Variants in GRM7 observed in about 807,000 individuals in gnomAD.
GRM7 encodes glutamate metabotropic receptor 7.
Under a neutral mutation model 84.5 loss-of-function variants are expected in GRM7, and 35 were observed. The observed-to-expected ratio is 0.41, with a 90% CI of 0.32 to 0.55. GRM7 has a LOEUF of 0.55. Among genes scored for constraint, GRM7 ranks in the 20% least tolerant of loss-of-function variants. The pLI, the probability that GRM7 is intolerant of heterozygous loss-of-function variation, is 0.19. For synonymous variants in GRM7, 487 were observed against 455.1 expected, an observed-to-expected ratio of 1.07 and a Z score of -0.89; for missense variants, 1,003 against 1,194.6, an observed-to-expected ratio of 0.84 and a Z score of 2.36.
chr3:7,187,466 C>A (rs933934376), intron 2 of GRM7, among the ~76,000 whole-genome samples: 1 of 152,094 alleles, frequency 6.6e-6, no homozygotes, highest in East Asian at 1.9e-4. Flanking sequence ...TAGGGCTTAG[C>A]CTTTGAGGGT....
intron 7 of GRM7, among the ~76,000 whole-genome samples, chr3:7,509,787 A>T (rs944579302): frequency 1.3e-4 from 19 of 150,564 alleles, no homozygotes; most frequent in African/African-American, 3.6e-4. Context: ...AGCTGGGGAA[A>T]TTTTTTTTTT....
chr3:7,611,270 AATT>A (rs1246917222), intron 8 of GRM7, among the ~76,000 whole-genome samples: 1 of 152,170 alleles, frequency 6.6e-6, no homozygotes, highest in African/African-American at 2.4e-5. Context: ...GAGTGCTAAT[AATT>A]ATTATATGAA....
At chr3:7,372,643 A>C (rs1276162928) in intron 4 of GRM7, among the ~76,000 whole-genome samples, 3 of 152,166 alleles carry the variant, frequency 2.0e-5, no homozygotes, top group Non-Finnish European at 4.4e-5. Flanking sequence ...TAAAAGTAGC[A>C]GGTGTTTTAG....
At chr3:6,935,712 T>TTATTATTATTATTAC (rs547755528) in intron 1 of GRM7, among the ~76,000 whole-genome samples, 12 of 144,234 alleles carry the variant, frequency 8.3e-5, no homozygotes, top group Non-Finnish European at 1.7e-4. Flanking sequence ...ATTATTATTA[T>TTATTATTATTATTAC]TGAGACAGAG....
chr3:7,052,520 T>C (rs1365764262), intron 1 of GRM7, among the ~76,000 whole-genome samples: 2 of 151,534 alleles, frequency 1.3e-5, no homozygotes, highest in Non-Finnish European at 3.0e-5. Flanking sequence ...TCCAATTTTA[T>C]TTGTTTTGTA....
chr3:7,284,077 G>A (rs1206604166), intron 2 of GRM7, among the ~76,000 whole-genome samples: 1 of 152,148 alleles, frequency 6.6e-6, no homozygotes, highest in Non-Finnish European at 1.5e-5. Context: ...TGTCTCAATT[G>A]CAGCCTAATA....
chr3:6,889,115 C>G (rs568821292), intron 1 of GRM7, among the ~76,000 whole-genome samples: 176 of 152,288 alleles, frequency 1.2e-3, no homozygotes, highest in African/African-American at 4.0e-3. Context: ...TGCTTGTCAG[C>G]TTAAGGAGAT....
chr3:7,043,567 T>C (rs1039461900), intron 1 of GRM7, among the ~76,000 whole-genome samples: 3 of 152,174 alleles, frequency 2.0e-5, no homozygotes, highest in African/African-American at 7.2e-5. Flanking sequence ...CATTTGAAAG[T>C]GTAACTAGTA....
chr3:7,444,990 G>A (rs757706436), intron 5 of GRM7, among the ~76,000 whole-genome samples: 6 of 152,126 alleles, frequency 3.9e-5, no homozygotes, highest in East Asian at 1.9e-4. Context: ...TAAGCTGGAC[G>A]ATCAATGGGT....
intron 1 of GRM7, among the ~76,000 whole-genome samples, chr3:6,996,730 C>G (rs892178576): frequency 2.0e-5 from 3 of 152,136 alleles, no homozygotes; most frequent in African/African-American, 7.2e-5. Context: ...GTCTTTATTT[C>G]TTATCTCCCT....
At chr3:7,692,137 A>G (rs76787812) in intron 9 of GRM7, among the ~76,000 whole-genome samples, 5,172 of 152,264 alleles carry the variant, frequency 0.034, 224 homozygotes, top group African/African-American at 0.098. Context: ...CTTTTGATGC[A>G]TCATTAGTAG....
intron 7 of GRM7, among the ~76,000 whole-genome samples, chr3:7,566,749 TAA>T (rs200028283): frequency 1.3e-5 from 2 of 149,220 alleles, no homozygotes; most frequent in African/African-American, 4.9e-5. Flanking sequence ...TAGAGGTTGT[TAA>T]AAAAAAAAAT....
At chr3:7,124,555 G>A (rs1693335425) in intron 1 of GRM7, among the ~76,000 whole-genome samples, 1 of 152,054 alleles carries the variant, frequency 6.6e-6, no homozygotes, top group Non-Finnish European at 1.5e-5. Flanking sequence ...TTGGAACCTG[G>A]CAAACCCAGA....
At chr3:7,254,218 G>T (rs751670278) in intron 2 of GRM7, among the ~76,000 whole-genome samples, 3 of 152,170 alleles carry the variant, frequency 2.0e-5, no homozygotes, top group Admixed American at 1.3e-4. Context: ...CCCGTGCTTG[G>T]TTTAGGCTCT....
At chr3:7,089,260 T>A (rs1394269154) in intron 1 of GRM7, among the ~76,000 whole-genome samples, 3 of 152,148 alleles carry the variant, frequency 2.0e-5, no homozygotes, top group African/African-American at 7.2e-5. Flanking sequence ...ACATAAAATA[T>A]CAAGTCATAA....
At chr3:7,287,220 G>A (rs946646870) in intron 2 of GRM7, among the ~76,000 whole-genome samples, 2 of 152,128 alleles carry the variant, frequency 1.3e-5, no homozygotes, top group Non-Finnish European at 2.9e-5. Flanking sequence ...AAACTCTCAG[G>A]TGTGATCTAA....
intron 8 of GRM7, among the ~76,000 whole-genome samples, chr3:7,631,377 C>G (rs1411689010): frequency 1.3e-5 from 2 of 151,810 alleles, no homozygotes; most frequent in African/African-American, 2.4e-5. Context: ...CAACAGAGAC[C>G]ACCACAGGAG....
chr3:6,909,378 C>T (rs937178435), intron 1 of GRM7, among the ~76,000 whole-genome samples: 5 of 152,118 alleles, frequency 3.3e-5, no homozygotes, highest in Admixed American at 2.6e-4. Flanking sequence ...AAGCAAACCA[C>T]CCATTTGCCT....
intron 1 of GRM7, among the ~76,000 whole-genome samples, chr3:6,947,662 C>T (rs533637378): frequency 1.9e-4 from 29 of 152,238 alleles, no homozygotes; most frequent in African/African-American, 6.3e-4. Context: ...TGGTAGAATT[C>T]GACTGTGAAT....
Sources: allele counts gnomAD v4.1 joint callset (sites outside exome capture counted in the v4.1 genomes callset), GRCh38; gene constraint gnomAD v4.1.1; transcripts MANE v1.5; gene names NCBI Gene and HGNC (gene_info 2026-07-23, HGNC 2026-07-21).